ZNF469: variants seen among roughly 807,000 people sequenced by gnomAD.
ZNF469 encodes the protein zinc finger protein 469.
Under a neutral mutation model 1.0 loss-of-function variants are expected in ZNF469, and 1 was observed. The ratio of observed to expected loss-of-function variants is 1.00; its 90% CI spans 0.35 to 4.73. The LOEUF (loss-of-function observed/expected upper bound fraction) is 4.73. Ranked by LOEUF, ZNF469 falls within the 30% of genes most tolerant of loss-of-function variation. The probability of loss-of-function intolerance (pLI) is 0.16; values close to 1 mark genes in which losing one functional copy is unlikely to be tolerated. For missense variants in ZNF469, 6,100 were observed against 5,356.3 expected (o/e 1.14, Z -4.33); for synonymous variants, 2,703 against 2,363.4 (o/e 1.14, Z -4.17).
At chr16:88,165,482 T>C in the ZNF469 span, among the ~76,000 whole-genome samples, 1 of 152,200 alleles carries the variant, frequency 6.6e-6, no homozygotes, top group African/African-American at 2.4e-5. Context: ...TGCAGGGCTC[T>C]GCTGTCTGAG....
the ZNF469 span, among the ~76,000 whole-genome samples, chr16:88,205,500 T>G: frequency 6.6e-6 from 1 of 152,120 alleles, no homozygotes; most frequent in African/African-American, 2.4e-5. This position sits in a 1 kb window ranked among gnomAD's most constrained non-coding sequence, Gnocchi z 4.2. Context: ...ACCTCATAGT[T>G]TTTTCCTGAA....
the ZNF469 span, among the ~76,000 whole-genome samples, chr16:88,111,261 T>C: frequency 6.6e-6 from 1 of 152,338 alleles, no homozygotes; most frequent in Admixed American, 6.5e-5. Flanking sequence ...AAAGACTTTT[T>C]TTTGTGGGTA....
chr16:88,116,620 C>T, the ZNF469 span, among the ~76,000 whole-genome samples: 2 of 152,140 alleles, frequency 1.3e-5, no homozygotes, highest in Non-Finnish European at 2.9e-5. Flanking sequence ...CACGAATGGC[C>T]ACACCACGGA....
chr16:88,114,216 TC>T, the ZNF469 span, among the ~76,000 whole-genome samples: 2 of 145,066 alleles, frequency 1.4e-5, no homozygotes, highest in Non-Finnish European at 3.0e-5. Flanking sequence ...ACTGCGGGGG[TC>T]TCCGGGGAGA....
At chr16:88,251,761 G>A in the ZNF469 span, among the ~76,000 whole-genome samples, 4 of 151,420 alleles carry the variant, frequency 2.6e-5, no homozygotes, top group African/African-American at 9.7e-5. Flanking sequence ...GTTTCACCTT[G>A]TTGGCCAGGC....
At chr16:88,241,592 C>T in the ZNF469 span, among the ~76,000 whole-genome samples, 572 of 152,276 alleles carry the variant, frequency 3.8e-3, 2 homozygotes, top group African/African-American at 0.013. The surrounding 1 kb of genome is among the most constrained non-coding windows in gnomAD (Gnocchi z 4.8). Flanking sequence ...GGCTCAGGGT[C>T]CTGGCAGGCG....
the ZNF469 span, among the ~76,000 whole-genome samples, chr16:88,124,229 T>C: frequency 0.19 from 28,870 of 152,244 alleles, 3,250 homozygotes; most frequent in East Asian, 0.47. Flanking sequence ...ACTTGTTTTT[T>C]ATTTTTATTT....
At chr16:88,138,763 T>C in the ZNF469 span, among the ~76,000 whole-genome samples, 417 of 152,362 alleles carry the variant, frequency 2.7e-3, 3 homozygotes, top group Non-Finnish European at 4.7e-3. Context: ...ATATTATTCC[T>C]AATGGAAACA....
chr16:88,387,976 C>T (rs1423201328), intron 1 of ZNF469, among the ~76,000 whole-genome samples: 3 of 152,260 alleles, frequency 2.0e-5, no homozygotes, highest in Admixed American at 1.3e-4. Context: ...ACCCAGCCCT[C>T]CCAGCCACAC....
At chr16:88,171,195 T>C in the ZNF469 span, among the ~76,000 whole-genome samples, 1 of 152,200 alleles carries the variant, frequency 6.6e-6, no homozygotes, top group African/African-American at 2.4e-5. Context: ...AGGATGCACA[T>C]GTGAGTGATG....
the ZNF469 span, among the ~76,000 whole-genome samples, chr16:88,201,930 C>T: frequency 6.6e-6 from 1 of 152,176 alleles, no homozygotes; most frequent in Non-Finnish European, 1.5e-5. The surrounding 1 kb of genome is among the most constrained non-coding windows in gnomAD (Gnocchi z 5.0). Context: ...TCTTGATGGC[C>T]TGGGGCTCCC....
At chr16:88,381,166 C>CTCTCT (rs2092523182), upstream of ZNF469, among the ~76,000 whole-genome samples, 1 of 93,352 alleles carries the variant, frequency 1.1e-5, no homozygotes. Flanking sequence ...ACAGACACGC[C>CTCTCT]CTCACACACA....
chr16:88,321,652 C>G, the ZNF469 span, among the ~76,000 whole-genome samples: 5 of 152,148 alleles, frequency 3.3e-5, no homozygotes, highest in Non-Finnish European at 5.9e-5. Flanking sequence ...GGATGTGACC[C>G]TCGGATTCTG....
chr16:88,285,901 C>T, the ZNF469 span, among the ~76,000 whole-genome samples: 1 of 152,278 alleles, frequency 6.6e-6, no homozygotes, highest in South Asian at 2.1e-4. Context: ...GCCTCAGCTA[C>T]AGATGTCTTC....
At chr16:88,171,097 G>A in the ZNF469 span, among the ~76,000 whole-genome samples, 3 of 152,132 alleles carry the variant, frequency 2.0e-5, no homozygotes, top group Non-Finnish European at 2.9e-5. Flanking sequence ...TAATTTTAAA[G>A]AAATACGTTA....
chr16:88,216,226 T>G, the ZNF469 span, among the ~76,000 whole-genome samples: 2 of 152,202 alleles, frequency 1.3e-5, no homozygotes, highest in Admixed American at 1.3e-4. Context: ...TCGGGTGCAG[T>G]GGCTCACGGC....
the ZNF469 span, among the ~76,000 whole-genome samples, chr16:88,353,807 C>T: frequency 6.6e-6 from 1 of 152,184 alleles, no homozygotes; most frequent in African/African-American, 2.4e-5. Flanking sequence ...TGCGGCCACT[C>T]GCTGAGGACC....
At chr16:88,336,452 G>A in the ZNF469 span, among the ~76,000 whole-genome samples, 3 of 150,782 alleles carry the variant, frequency 2.0e-5, no homozygotes, top group Non-Finnish European at 2.9e-5. Context: ...TCCTTCACGT[G>A]AGACACTAAC....
the ZNF469 span, among the ~76,000 whole-genome samples, chr16:88,345,970 A>G: frequency 3.4e-4 from 52 of 152,264 alleles, 1 homozygote; most frequent in South Asian, 0.011. Context: ...CCAGAGGAAA[A>G]TGGCGCCATC....
Sources: allele counts gnomAD v4.1 joint callset (sites outside exome capture counted in the v4.1 genomes callset), GRCh38; gene constraint gnomAD v4.1.1; non-coding constraint Gnocchi (gnomAD v3.1); transcripts MANE v1.5; gene names NCBI Gene and HGNC (gene_info 2026-07-23, HGNC 2026-07-21).